Variants in UPF1 observed in about 807,000 individuals in gnomAD.
The protein encoded by UPF1 is UPF1 RNA helicase and ATPase.
UPF1 carries 9 observed loss-of-function variants against 129.2 expected under a neutral mutation model. That is an observed-to-expected ratio of 0.07 (90% CI 0.04 to 0.12). UPF1 has a LOEUF of 0.12. Among genes scored for constraint, UPF1 ranks in the 10% least tolerant of loss-of-function variants. The pLI, the probability that UPF1 is intolerant of heterozygous loss-of-function variation, is 1.00. For missense variants in UPF1, 788 were observed against 1,525.3 expected, an observed-to-expected ratio of 0.52 and a Z score of 8.05; for synonymous variants, 649 against 644.9, an observed-to-expected ratio of 1.01 and a Z score of -0.10.
At chr19:18,856,114 A>G (rs776036628) in intron 12 of UPF1, 25 bp downstream of exon 12, 2 of 1,609,420 alleles carry the variant, frequency 1.2e-6, no homozygotes, top group East Asian at 2.2e-5. Flanking sequence ...CATCCCTCCC[A>G]GTTGGTCCCT....
At chr19:18,840,770 G>A (rs917836722) in intron 1 of UPF1, among the ~76,000 whole-genome samples, 1 of 152,208 alleles carries the variant, frequency 6.6e-6, no homozygotes, top group Non-Finnish European at 1.5e-5. Context: ...TACATGGAGG[G>A]CTGCTGGGTC....
intron 6 of UPF1, 46 bp downstream of exon 6, chr19:18,852,342 A>T (rs758674000): frequency 2.5e-6 from 4 of 1,604,354 alleles, no homozygotes; most frequent in African/African-American, 2.7e-5. Context: ...TCTGGCTCTC[A>T]CAGCTCTCTC....
chr19:18,852,072 C>T (rs936512125), intron 5 of UPF1, 63 bp from the exon 6 acceptor site: 29 of 1,505,632 alleles, frequency 1.9e-5, no homozygotes, highest in Non-Finnish European at 2.4e-5. Flanking sequence ...TGCCTCTGCG[C>T]CCTCGTTCAT....
chr19:18,853,161 C>T lies in UPF1; in HGVS notation c.1057+90C>T, dbSNP rs2055678563. On this transcript the variant is annotated intron_variant, in intron 7 of 23. Coordinates refer to ENST00000262803, the MANE Select transcript of UPF1 (RefSeq NM_002911.4). This position sits in a 1 kb window ranked among gnomAD's most constrained non-coding sequence, Gnocchi z 4.4. ...TAAGTAGCATAAATTCCTAGTTCCA[C>T]CCTTGTAAAGTGCCCCTTAATTTGA... The T allele has an allele frequency of 6.2e-7, 1 of 1,600,558 alleles. No homozygotes were observed. The highest frequency in any genetic ancestry group is 8.5e-7 in the Non-Finnish European group (1 of 1,170,396).
At position 18,865,813 on chromosome 19, in the gene UPF1, G is replaced by A; in HGVS notation, c.3237+35G>A. 1.2e-6 allele frequency: 2 copies of A among 1,609,874 alleles called. No homozygotes were observed. Among genetic ancestry groups the A allele is most frequent in the Non-Finnish European group, 1.7e-6 (2 of 1,179,516 alleles). On this transcript the variant is annotated intron_variant, in intron 22 of 23. Coordinates refer to ENST00000262803, the MANE Select transcript of UPF1 (RefSeq NM_002911.4). The surrounding 1 kb of genome is among the most constrained non-coding windows in gnomAD (Gnocchi z 6.1). Reference sequence around the variant, plus strand: ...CCCCTGGGACGGGACTTACCTGAGTGAGGGTGGGGCTATGCACCTGAAACA... The same window carrying A: ...CCCCTGGGACGGGACTTACCTGAGTAAGGGTGGGGCTATGCACCTGAAACA...
At position 18,842,312 on chromosome 19, in the gene UPF1, G is replaced by T. The variant is rs190920298; in HGVS notation, c.232-3668G>T. ...AGACATTGGGGTGATGGGTGAATGT[G>T]TATTAACCAACAGTGTGGCAGGCTG... On this transcript the variant is annotated intron_variant, in intron 1 of 23. Coordinates refer to ENST00000262803, the MANE Select transcript of UPF1 (RefSeq NM_002911.4). Among the ~76,000 whole-genome samples, 60 of 152,304 alleles carry T rather than the reference G, an allele frequency of 3.9e-4. No homozygotes were observed. In the East Asian group the frequency reaches 0.01, roughly 26 times the overall value.
At chr19:18,852,443 C>G in intron 6 of UPF1, 147 bp downstream of exon 6, 1 of 1,214,732 alleles carries the variant, frequency 8.2e-7, no homozygotes, top group Non-Finnish European at 1.1e-6. Flanking sequence ...CTTGCGGATC[C>G]GGGCCTGGCA....
chr19:18,835,637 G>A (rs1019262054), intron 1 of UPF1, among the ~76,000 whole-genome samples: 6 of 152,182 alleles, frequency 3.9e-5, no homozygotes, highest in African/African-American at 1.4e-4. Context: ...ACCGCACCTG[G>A]CCAGCATTTC....
At position 18,856,072 on chromosome 19, in the gene UPF1, G is replaced by A. The variant is rs570771584; in HGVS notation, c.1692G>A (p.Gln564=). Residue 564 remains glutamine (Q), a synonymous_variant, in exon 12 of 24, where the codon CAG becomes CAA. Transcript: ENST00000262803. ...TGTCTTTTCTGGCCCTGCACAACCA[G>A]ATCAGGAACATGGACAGGTGTGTGT... ...SPVSFLALHN[Q]IRNMDSMPEL... is the part of the protein sequence containing the mutation. 8.1e-6 allele frequency: 13 copies of A among 1,614,054 alleles called. No individual in the cohort carries two copies. The South Asian group carries it at 1.3e-4, about 16-fold the overall frequency.
At chr19:18,845,861 A>G in intron 1 of UPF1, 119 bp from the exon 2 acceptor site, 2 of 1,406,808 alleles carry the variant, frequency 1.4e-6, no homozygotes, top group Non-Finnish European at 1.9e-6. Flanking sequence ...AGAACAAGGG[A>G]AACTGTCTCA....
chr19:18,860,652 C>T (rs962672680), intron 16 of UPF1, among the ~76,000 whole-genome samples, 174 bp from the exon 17 acceptor site: 5 of 152,188 alleles, frequency 3.3e-5, no homozygotes, highest in South Asian at 2.1e-4. Flanking sequence ...ACATGGCAGC[C>T]GTTTCTGCCC....
rs772991342 is a variant in UPF1 at position 18,865,405 on chromosome 19, A to T, written c.2974A>T (p.Met992Leu). 6.2e-7 allele frequency: 1 copy of T among 1,613,994 alleles called. No individual in the cohort carries two copies. The highest frequency in any genetic ancestry group is 2.2e-5 in the East Asian group (1 of 44,872). ...PIPFNLVMPP[M>L]PPPGYFGQAN... ...CCCCTTCAACCTGGTCATGCCACCC[A>T]TGCCACCGCCTGGCTATTTTGGACA... The change falls in exon 21 of 24, where the codon ATG becomes TTG. Residue 992 changes from methionine (M) to leucine (L), a missense_variant. Physicochemically the swap from Met to Leu is conservative, Grantham distance 15. Around this residue, in one of 6 missense-constraint regions of UPF1, gnomAD observed 218 missense variants for 318.1 expected, o/e 0.69. Transcript: ENST00000262803. This position sits in a 1 kb window ranked among gnomAD's most constrained non-coding sequence, Gnocchi z 6.1.
intron 18 of UPF1, chr19:18,862,925 A>G (rs532180310): frequency 2.9e-3 from 444 of 153,306 alleles, no homozygotes; most frequent in Non-Finnish European, 4.9e-3. Flanking sequence ...CAGCACAGGG[A>G]GAGAGCCTGG....
rs138997330 is a variant in UPF1 at position 18,853,627 on chromosome 19, G to A, written c.1156+277G>A. ...CCCTGGGCTGACTCTGGAAGTTAAT[G>A]TATGCCGCTTGTGTGGCACGTCCCT... On this transcript the variant is annotated intron_variant, in intron 8 of 23. Transcript: ENST00000262803. The surrounding 1 kb of genome is among the most constrained non-coding windows in gnomAD (Gnocchi z 4.4). 1.9e-4 allele frequency among the ~76,000 whole-genome samples: 29 copies of A among 152,326 alleles called. No individual in the cohort carries two copies. Among genetic ancestry groups the A allele is most frequent in the African/African-American group, 6.5e-4 (27 of 41,578 alleles).
At chr19:18,861,917 G>C in intron 17 of UPF1, 93 bp from the exon 18 acceptor site, 1 of 1,515,120 alleles carries the variant, frequency 6.6e-7, no homozygotes, top group Admixed American at 2.0e-5. Flanking sequence ...TCCCGGGTGG[G>C]ATTTGAGGGT....
intron 15 of UPF1, 136 bp downstream of exon 15, chr19:18,857,669 T>A: frequency 3.9e-6 from 4 of 1,018,916 alleles, no homozygotes; most frequent in African/African-American, 1.6e-5. Flanking sequence ...CAGGGCACTT[T>A]GTGCCCAAGG....
Position 18,863,525 on chromosome 19 carries a change from G to A in UPF1, c.2688G>A (p.Lys896=), listed in dbSNP as rs770645314. Residue 896 remains lysine (K), a synonymous_variant, in exon 19 of 24, where the codon AAG becomes AAA. Coordinates refer to ENST00000262803, the MANE Select transcript of UPF1 (RefSeq NM_002911.4). ...TGCTGAACTACTATAAGGAGCAGAA[G>A]GTGCTGGTGGAGGGGCCGCTCAACA... ...NHLLNYYKEQ[K]VLVEGPLNNL... 7 of 1,613,934 alleles carry A rather than the reference G, an allele frequency of 4.3e-6. No homozygotes were observed. The highest frequency in any genetic ancestry group is 5.9e-6 in the Non-Finnish European group (7 of 1,179,896).
chr19:18,863,037 G>GTAT (rs2055798295), intron 18 of UPF1: 1 of 182,342 alleles, frequency 5.5e-6, no homozygotes. Flanking sequence ...TTGGTGGGCA[G>GTAT]TATTGGGTGG....
At chr19:18,861,073 C>T (rs1228952811) in intron 17 of UPF1, 91 bp downstream of exon 17, 4 of 1,454,692 alleles carry the variant, frequency 2.7e-6, no homozygotes, top group African/African-American at 2.8e-5. Context: ...AGGGGCCCGT[C>T]CTGGCTGGAG....
Sources: allele counts gnomAD v4.1 joint callset (sites outside exome capture counted in the v4.1 genomes callset), GRCh38; gene constraint gnomAD v4.1.1; regional missense constraint gnomAD v4.1.1; non-coding constraint Gnocchi (gnomAD v3.1); transcripts MANE v1.5; gene names NCBI Gene and HGNC (gene_info 2026-07-23, HGNC 2026-07-21).